CES5A: variants seen among roughly 807,000 people sequenced by gnomAD.
CES5A encodes the protein carboxylesterase 5A.
A neutral mutation model predicts 62.9 loss-of-function variants in CES5A; 67 were observed. That is an observed-to-expected ratio of 1.07 (90% confidence interval 0.88 to 1.31). The LOEUF is 1.31. Among genes scored for constraint, CES5A ranks in the 50% most tolerant of loss-of-function variants. The pLI, the probability that CES5A is intolerant of heterozygous loss-of-function variation, is 0.00. For synonymous variants in CES5A, 296 were observed against 280.8 expected (o/e 1.05, Z -0.54); for missense variants, 748 against 708.5 (o/e 1.06, Z -0.63).
intron 10 of CES5A, among the ~76,000 whole-genome samples, chr16:55,851,880 T>C (rs1420214): frequency 0.68 from 103,220 of 152,090 alleles, 35,217 homozygotes; most frequent in Non-Finnish European, 0.72. Context: ...AATTCTGATG[T>C]ATAGTACAGC....
chr16:55,954,865 ATAT>A (rs1372365148), intron 1 of CES5A, among the ~76,000 whole-genome samples: 1 of 152,190 alleles, frequency 6.6e-6, no homozygotes, highest in East Asian at 1.9e-4. Flanking sequence ...CCTGAGATAA[ATAT>A]TATTCCCATT....
intron 7 of CES5A, among the ~76,000 whole-genome samples, chr16:55,861,004 G>A (rs1399098223): frequency 6.6e-6 from 1 of 152,176 alleles, no homozygotes; most frequent in Non-Finnish European, 1.5e-5. Flanking sequence ...CCTTCTAAAG[G>A]AGCCCAGTCC....
intron 1 of CES5A, among the ~76,000 whole-genome samples, chr16:55,921,517 G>A (rs2034204214): frequency 6.6e-6 from 1 of 151,552 alleles, no homozygotes; most frequent in Non-Finnish European, 1.5e-5. Flanking sequence ...ATTCAGCAAA[G>A]CTATTCTTCA....
intron 10 of CES5A, 81 bp from the exon 11 acceptor site, chr16:55,849,854 T>G (rs1355327824): frequency 3.6e-5 from 53 of 1,471,320 alleles, no homozygotes; most frequent in Non-Finnish European, 4.7e-5. Flanking sequence ...TATCAAGTCT[T>G]GGATGTATAG....
chr16:55,931,365 C>G (rs998093739), intron 2 of CES5A, among the ~76,000 whole-genome samples: 20 of 152,292 alleles, frequency 1.3e-4, no homozygotes, highest in African/African-American at 4.1e-4. Flanking sequence ...TCCACCTCAC[C>G]ATGATGCCCA....
chr16:55,933,123 T>C (rs1179014932), intron 2 of CES5A, among the ~76,000 whole-genome samples: 10 of 152,196 alleles, frequency 6.6e-5, no homozygotes, highest in African/African-American at 2.4e-4. Flanking sequence ...TACATGGCCT[T>C]CAAGGCCTAT....
chr16:55,875,345 G>T lies in CES5A; in HGVS notation c.-124C>A. 1 of 1,489,414 alleles carries T rather than the reference G, an allele frequency of 6.7e-7. No individual in the cohort carries two copies. Among genetic ancestry groups the T allele is most frequent in the East Asian group, 2.4e-5 (1 of 42,166 alleles). The allele number at this position is 1,489,414 out of a possible 1,614,324, so 92.3% of individuals were successfully genotyped here. A position where few individuals can be genotyped will look rare whatever the true frequency, so the allele number is the denominator to read the frequency against. On this transcript the variant is annotated 5_prime_UTR_variant, in exon 1 of 13. It adds an upstream start codon to the 5' untranslated region. Transcript: ENST00000290567. ...GCTGAATAGGCAGGCAGAGGCAGCA[G>T]AGTTACTGAAGATCAGCATCAGAAC...
At chr16:55,869,395 A>C in intron 4 of CES5A, 1 of 857,694 alleles carries the variant, frequency 1.2e-6, no homozygotes, top group East Asian at 3.3e-5. Flanking sequence ...TGCTCAATTA[A>C]ACTTTACCCA....
chr16:55,856,330 T>C, intron 9 of CES5A, 47 bp downstream of exon 9: 2 of 1,568,954 alleles, frequency 1.3e-6, no homozygotes, highest in Non-Finnish European at 1.8e-6. Flanking sequence ...GGGCTATCTG[T>C]TAAGTGCATG....
intron 1 of CES5A, among the ~76,000 whole-genome samples, chr16:55,909,648 C>G (rs1460266916): frequency 1.3e-5 from 2 of 152,022 alleles, no homozygotes; most frequent in Admixed American, 1.3e-4. Flanking sequence ...TCTGAGCTAC[C>G]ATGAATAAGA....
intron 2 of CES5A, among the ~76,000 whole-genome samples, chr16:55,947,600 G>A (rs2034510202): frequency 6.6e-6 from 1 of 152,072 alleles, no homozygotes; most frequent in Non-Finnish European, 1.5e-5. Context: ...AATAAACATG[G>A]CGAGGGAGAT....
intron 6 of CES5A, among the ~76,000 whole-genome samples, chr16:55,862,741 G>A (rs1289209532): frequency 2.0e-5 from 3 of 152,148 alleles, no homozygotes; most frequent in Non-Finnish European, 4.4e-5. Context: ...AATATGCATT[G>A]AATGAAACAG....
chr16:55,946,539 G>A lies in CES5A; in HGVS notation c.160+3246C>T, dbSNP rs142872220. Among the ~76,000 whole-genome samples, 431 of 152,330 alleles carry A rather than the reference G, an allele frequency of 2.8e-3. 1 individual carries two copies. The highest frequency in any genetic ancestry group is 0.012 in the Admixed American group (181 of 15,308). On this transcript the variant is annotated intron_variant, in intron 2 of 13. Transcript: ENST00000521992. ...TGTTGCAGTCTCTCAGTTCCTATGA[G>A]CAGCTGACCTCACTAACCTGAAACA...
At chr16:55,943,787 C>T (rs776962562) in intron 2 of CES5A, among the ~76,000 whole-genome samples, 10 of 152,152 alleles carry the variant, frequency 6.6e-5, no homozygotes, top group Non-Finnish European at 1.5e-4. Flanking sequence ...GAAAGACAGG[C>T]CGGAAAGGAA....
chr16:55,921,373 A>C (rs1226608985), intron 1 of CES5A, among the ~76,000 whole-genome samples: 1 of 152,120 alleles, frequency 6.6e-6, no homozygotes, highest in Non-Finnish European at 1.5e-5. Context: ...AAGAGAAAAG[A>C]AGTAAATATT....
chr16:55,928,844 C>T (rs2034282724), upstream of CES5A, among the ~76,000 whole-genome samples: 1 of 152,208 alleles, frequency 6.6e-6, no homozygotes, highest in Non-Finnish European at 1.5e-5. Flanking sequence ...GTCCCACATG[C>T]TCCTGACCTG....
chr16:55,907,365 G>C (rs922138060), intron 1 of CES5A, among the ~76,000 whole-genome samples: 18 of 152,208 alleles, frequency 1.2e-4, no homozygotes, highest in Non-Finnish European at 2.5e-4. Flanking sequence ...AAGGGAAATA[G>C]ACTTCCACGT....
chr16:55,903,805 T>C (rs1339437914), intron 1 of CES5A, among the ~76,000 whole-genome samples: 1 of 152,186 alleles, frequency 6.6e-6, no homozygotes, highest in African/African-American at 2.4e-5. Context: ...GAAAATTAAC[T>C]GGCTTAAAGC....
At chr16:55,901,259 A>G (rs2033988070) in intron 1 of CES5A, among the ~76,000 whole-genome samples, 1 of 152,150 alleles carries the variant, frequency 6.6e-6, no homozygotes, top group African/African-American at 2.4e-5. Context: ...GCCTTCTATC[A>G]TGATTGTGAG....
Sources: allele counts gnomAD v4.1 joint callset (sites outside exome capture counted in the v4.1 genomes callset), GRCh38; gene constraint gnomAD v4.1.1; transcripts MANE v1.5; gene names NCBI Gene and HGNC (gene_info 2026-07-23, HGNC 2026-07-21).